Variants in TENM1 observed in about 807,000 individuals in gnomAD.
TENM1 encodes teneurin-1.
TENM1 carries 35 observed loss-of-function variants against 174.8 expected under a neutral mutation model. That is an observed-to-expected ratio of 0.20 (90% confidence interval 0.15 to 0.27). TENM1 has a LOEUF of 0.27. Among genes scored for constraint, TENM1 ranks in the 10% least tolerant of loss-of-function variants. The probability of loss-of-function intolerance (pLI) is 1.00; values close to 1 mark genes in which losing one functional copy is unlikely to be tolerated. For missense variants in TENM1, 1,633 were observed against 2,130.1 expected (o/e 0.77, Z 4.59); for synonymous variants, 781 against 798.7 (o/e 0.98, Z 0.37).
At chrX:125,140,532 G>A in the TENM1 span, among the ~76,000 whole-genome samples, 8 of 111,271 alleles carry the variant, frequency 7.2e-5, no homozygotes, top group East Asian at 8.5e-4. Flanking sequence ...GTTTGATGGC[G>A]GAGTAGGATG....
At chrX:124,672,637 T>C (rs2051953231) in intron 5 of TENM1, among the ~76,000 whole-genome samples, 1 of 112,249 alleles carries the variant, frequency 8.9e-6, no homozygotes, top group South Asian at 3.7e-4. Context: ...CTGTCTATTG[T>C]AACATCTGAA....
chrX:125,107,421 T>G, the TENM1 span, among the ~76,000 whole-genome samples: 2 of 112,526 alleles, frequency 1.8e-5, no homozygotes, highest in East Asian at 2.8e-4. Context: ...TAAGAATATT[T>G]ACTTGATAAA....
At chrX:124,671,380 T>C (rs919519027) in intron 6 of TENM1, among the ~76,000 whole-genome samples, 1 of 111,850 alleles carries the variant, frequency 8.9e-6, no homozygotes, top group Admixed American at 9.5e-5. Flanking sequence ...AAATCCCACG[T>C]TGCTTCAGGG....
At chrX:125,195,759 T>A in the TENM1 span, among the ~76,000 whole-genome samples, 1 of 110,737 alleles carries the variant, frequency 9.0e-6, no homozygotes, top group African/African-American at 3.3e-5. Flanking sequence ...CTACCCAAGA[T>A]AACTGAAAGA....
chrX:125,045,428 G>C, the TENM1 span, among the ~76,000 whole-genome samples: 2 of 111,396 alleles, frequency 1.8e-5, no homozygotes, highest in Non-Finnish European at 3.8e-5. Context: ...GCTATATATA[G>C]TGGTCTCTGC....
chrX:124,754,781 C>T (rs1414559671), intron 3 of TENM1, among the ~76,000 whole-genome samples: 1 of 105,449 alleles, frequency 9.5e-6, no homozygotes, highest in East Asian at 2.9e-4. Flanking sequence ...GTTCAGTTTC[C>T]ATGTAGTTGA....
chrX:124,834,133 A>C (rs1445604849), intron 3 of TENM1, among the ~76,000 whole-genome samples: 1 of 111,595 alleles, frequency 9.0e-6, no homozygotes, highest in Non-Finnish European at 1.9e-5. Flanking sequence ...TTTGATGCAA[A>C]GAAAAATATA....
chrX:125,145,588 T>C, the TENM1 span, among the ~76,000 whole-genome samples: 1 of 112,549 alleles, frequency 8.9e-6, no homozygotes, highest in Non-Finnish European at 1.9e-5. Context: ...ACAAGCCATC[T>C]CATTTGTCTT....
the TENM1 span, among the ~76,000 whole-genome samples, chrX:124,986,527 G>A: frequency 1.8e-5 from 2 of 112,199 alleles, no homozygotes; most frequent in African/African-American, 6.5e-5. Flanking sequence ...CATATTATTT[G>A]CAGCCTTGAT....
the TENM1 span, among the ~76,000 whole-genome samples, chrX:125,001,057 A>G: frequency 9.0e-6 from 1 of 110,622 alleles, no homozygotes; most frequent in African/African-American, 3.3e-5. Context: ...CAGACATCTC[A>G]TAATTGTATG....
chrX:124,693,761 T>C (rs1018111539), intron 5 of TENM1, among the ~76,000 whole-genome samples: 11 of 111,237 alleles, frequency 9.9e-5, no homozygotes, highest in African/African-American at 3.6e-4. Flanking sequence ...TAGAAGTTTT[T>C]TTTTTAATCA....
At chrX:124,547,183 T>C in intron 14 of TENM1, 93 bp from the exon 18 acceptor site, 2 of 668,722 alleles carry the variant, frequency 3.0e-6, no homozygotes, top group South Asian at 6.4e-5. Context: ...TTCTAAAATA[T>C]AGCCAAAGAT....
intron 6 of TENM1, among the ~76,000 whole-genome samples, chrX:124,661,243 T>C (rs895106289): frequency 1.8e-5 from 2 of 111,834 alleles, no homozygotes; most frequent in Non-Finnish European, 3.8e-5. Context: ...ATATTGGTGA[T>C]TGCTACACAA....
chrX:124,731,568 C>T (rs906448812), intron 4 of TENM1, among the ~76,000 whole-genome samples: 1 of 111,335 alleles, frequency 9.0e-6, no homozygotes, highest in Non-Finnish European at 1.9e-5. Context: ...TCAAAATAAA[C>T]AGGAAGCATA....
rs775162657 is a variant in TENM1 at position 124,420,289 on chromosome X, A to G, written c.4982+22T>C. ...TTCAAATAAAAACCTAACAAAGCCC[A>G]TGTCAAGAATTAGAAACTTACTCAT... On this transcript the variant is annotated intron_variant, in intron 25 of 31. Coordinates refer to ENST00000422452, the Ensembl canonical transcript of TENM1. 5.1e-6 allele frequency: 6 copies of G among 1,179,432 alleles called. No homozygotes were observed. In the South Asian group the frequency reaches 1.2e-4, roughly 23 times the overall value.
the TENM1 span, among the ~76,000 whole-genome samples, chrX:125,197,287 C>CAT: frequency 8.9e-6 from 1 of 111,773 alleles, no homozygotes; most frequent in African/African-American, 3.2e-5. Flanking sequence ...TTGAAAGTTA[C>CAT]ATATATATGT....
At chrX:125,074,471 T>C in the TENM1 span, among the ~76,000 whole-genome samples, 1 of 110,228 alleles carries the variant, frequency 9.1e-6, no homozygotes, top group Non-Finnish European at 1.9e-5. Context: ...TCTAAATGGT[T>C]TGGATCAGTA....
intron 3 of TENM1, among the ~76,000 whole-genome samples, chrX:124,808,325 A>G (rs1418588854): frequency 8.9e-6 from 1 of 112,287 alleles, no homozygotes; most frequent in Non-Finnish European, 1.9e-5. Context: ...GCACCTAAAT[A>G]TAAAAGGCAA....
chrX:124,520,580 T>C, exon 18 of TENM1: 1 of 1,211,506 alleles, frequency 8.3e-7, no homozygotes, highest in Non-Finnish European at 1.1e-6. Flanking sequence ...CAAGCAAATG[T>C]GTAGACAAGA....
Sources: gnomAD v4.1 joint callset for allele counts (sites outside exome capture counted in the v4.1 genomes callset) on GRCh38, gnomAD v4.1.1 for gene constraint, MANE v1.5 for transcripts, NCBI Gene and HGNC (gene_info 2026-07-23, HGNC 2026-07-21) for gene names.